GCN1: variants seen among roughly 807,000 people sequenced by gnomAD.
The protein encoded by GCN1 is stalled ribosome sensor GCN1.
In GCN1, 90 loss-of-function variants were observed where a neutral mutation model predicts 288.4. That is an observed-to-expected ratio of 0.31 (90% confidence interval 0.26 to 0.37). GCN1 has a LOEUF of 0.37. Ranked by LOEUF, GCN1 falls within the 10% of genes least tolerant of loss-of-function variation. The pLI, the probability that GCN1 is intolerant of heterozygous loss-of-function variation, is 1.00. For synonymous variants in GCN1, 1,386 were observed against 1,420.2 expected, an observed-to-expected ratio of 0.98 and a Z score of 0.54; for missense variants, 2,586 against 3,419.9, an observed-to-expected ratio of 0.76 and a Z score of 6.08.
intron 39 of GCN1, 82 bp downstream of exon 39, chr12:120,145,180 C>G: frequency 1.3e-6 from 2 of 1,554,550 alleles, no homozygotes; most frequent in Non-Finnish European, 1.8e-6. Flanking sequence ...GACACAAAAG[C>G]AGCTTTGGGG....
At chr12:120,149,821 G>A in intron 35 of GCN1, 101 bp from the exon 36 acceptor site, 1 of 1,538,882 alleles carries the variant, frequency 6.5e-7, no homozygotes. Flanking sequence ...CGCTTACTGG[G>A]GTTCTATTAT....
intron 21 of GCN1, 78 bp downstream of exon 21, chr12:120,161,802 G>A: frequency 2.9e-6 from 4 of 1,368,154 alleles, no homozygotes. Flanking sequence ...ACTCACAGGA[G>A]GCACTGGCTC....
In GCN1 at chr12:120,158,041, G is replaced by C. The variant is rs374389540; in HGVS notation, c.2906-11C>G. The C allele has an allele frequency of 6.2e-7, 1 of 1,612,954 alleles. No individual in the cohort carries two copies. Among genetic ancestry groups the C allele is most frequent in the South Asian group, 1.1e-5 (1 of 91,036 alleles). Reference sequence around the variant, plus strand: ...ACAAGGGCGCAGCACCTGTGAGAGCGAGAAGCAGATAAGATTCTGCAGGCA... The same window carrying C: ...ACAAGGGCGCAGCACCTGTGAGAGCCAGAAGCAGATAAGATTCTGCAGGCA... On this transcript the variant is annotated splice_polypyrimidine_tract_variant and intron_variant, in intron 25 of 57. Transcript: ENST00000300648. This position sits in a 1 kb window ranked among gnomAD's most constrained non-coding sequence, Gnocchi z 4.3.
rs746194321 is a variant in GCN1 at position 120,158,013 on chromosome 12, C to T, written c.2923G>A (p.Ala975Thr). Residue 975 changes from alanine (A) to threonine (T), a missense_variant, in exon 26 of 58, where the codon GCG becomes ACG. Physicochemically the swap from Ala to Thr is moderately conservative, Grantham distance 58. Transcript: ENST00000300648. The surrounding 1 kb of genome is among the most constrained non-coding windows in gnomAD (Gnocchi z 4.3). ...GGGAAGACTAAGGAGAAGGCTGGCG[C>T]GGACAAGGGCGCAGCACCTGTGAGA... is the stretch of plus-strand genomic sequence containing the variant. ...KGEPGAAPLS[A>T]PAFSLVFPFL... is the part of the protein sequence containing the mutation. 5.6e-6 allele frequency: 9 copies of T among 1,613,706 alleles called. No homozygotes were observed. Among genetic ancestry groups the T allele is most frequent in the South Asian group, 3.3e-5 (3 of 91,086 alleles).
At chr12:120,168,981 T>C (rs532034584) in intron 15 of GCN1, among the ~76,000 whole-genome samples, 166 of 152,156 alleles carry the variant, frequency 1.1e-3, no homozygotes, top group Admixed American at 5.0e-3. Context: ...TGTGTCCCAG[T>C]GCAGAGATTG....
Position 120,178,848 on chromosome 12 carries a change from T to G in GCN1, c.525+4A>C, listed in dbSNP as rs553135919. On this transcript the variant is annotated splice_donor_region_variant and intron_variant, in intron 6 of 57. Coordinates refer to ENST00000300648, the MANE Select transcript of GCN1 (RefSeq NM_006836.2). The stretch of plus-strand genomic sequence containing the variant: ...ATGCCCACCAGCCCCTGCAGTCCTG[T>G]CACCTCTTTCCACAGCTTCGTGAGT... 1.9e-6 allele frequency: 3 copies of G among 1,614,110 alleles called. No individual in the cohort carries two copies. The African/African-American group carries it at 4.0e-5, about 22-fold the overall frequency.
At position 120,153,225 on chromosome 12, in the gene GCN1, G is replaced by A. The variant is rs1215714328; in HGVS notation, c.4050C>T (p.Thr1350=). ...AGATGGCAGGTACCTGCTGGGAGGG[G>A]GTGGAGAGGGCAGCGATGAGCTTGG... ...IVAKLIAALS[T]PSQQVQESVA... is the part of the protein sequence containing the mutation. The change falls in exon 33 of 58, where the codon ACC becomes ACT. Residue 1350 remains threonine, a synonymous_variant. Transcript: ENST00000300648. The surrounding 1 kb of genome is among the most constrained non-coding windows in gnomAD (Gnocchi z 4.4). The A allele has an allele frequency of 5.6e-6, 9 of 1,613,888 alleles. No homozygotes were observed. In the African/African-American group the frequency reaches 9.3e-5, roughly 17 times the overall value.
At position 120,127,741 on chromosome 12, in the gene GCN1, T is replaced by G. The variant is rs1376479837; in HGVS notation, c.*108A>C. 14 of 1,247,490 alleles carry G rather than the reference T, an allele frequency of 1.1e-5. No homozygotes were observed. In the African/African-American group the frequency reaches 2.1e-4, roughly 19 times the overall value. The allele number at this position is 1,247,490 out of a possible 1,614,324, so 77.3% of individuals were successfully genotyped here. A position where few individuals can be genotyped will look rare whatever the true frequency, so the allele number is the denominator to read the frequency against. ...TGTGGTCTATTGATATTAAAATACT[T>G]TCTGGGAACGCCATCTTCCAAGCTC... On this transcript the variant is annotated 3_prime_UTR_variant, in exon 58 of 58. Transcript: ENST00000300648.
intron 45 of GCN1, among the ~76,000 whole-genome samples, chr12:120,139,110 G>A (rs745597509): frequency 2.6e-5 from 4 of 152,158 alleles, no homozygotes; most frequent in Non-Finnish European, 4.4e-5. Flanking sequence ...AGGAGTTCGA[G>A]ACCAGCCTGG....
chr12:120,148,733 A>T (rs541547357), intron 36 of GCN1, among the ~76,000 whole-genome samples: 2 of 152,332 alleles, frequency 1.3e-5, no homozygotes. Flanking sequence ...ACTGAGAAGG[A>T]GGTTGAGTGG....
intron 33 of GCN1, among the ~76,000 whole-genome samples, chr12:120,151,867 C>A (rs1272800394): frequency 1.3e-5 from 2 of 152,226 alleles, no homozygotes; most frequent in Non-Finnish European, 2.9e-5. Flanking sequence ...TGCCTCCCAG[C>A]CGCAGCTCAC....
Position 120,131,942 on chromosome 12 carries a change from T to C in GCN1, c.7398A>G (p.Leu2466=), listed in dbSNP as rs2139080643. The C allele has an allele frequency of 2.5e-6, 4 of 1,603,002 alleles. No individual in the cohort carries two copies. The highest frequency in any genetic ancestry group is 3.4e-6 in the Non-Finnish European group (4 of 1,173,534). ...TGTACTTACCCAGCAAGCACTGCTG[T>C]AGAACGGCACTAAGCTCCTCTTCAG... ...FLTEEELSAV[L]QQCLLADVSG... The change falls in exon 54 of 58, where the codon CTA becomes CTG. Residue 2466 remains leucine, a synonymous_variant. Coordinates refer to ENST00000300648, the MANE Select transcript of GCN1 (RefSeq NM_006836.2).
rs867979998 is a variant in GCN1, at chr12:120,170,113, A to G, written c.1519+56T>C. 32 of 1,493,030 alleles carry G rather than the reference A, an allele frequency of 2.1e-5. 1 individual carries two copies. In the Middle Eastern group the frequency reaches 3.6e-3, roughly 170 times the overall value. 92.5% of individuals were successfully genotyped at this position (1,493,030 alleles called of 1,614,324 possible). ...CCTGAACATCAAGACACACCTCCCA[A>G]GGACTCTTGTCAGAGGCCCCTGTCT... On this transcript the variant is annotated intron_variant, in intron 15 of 57. Coordinates refer to ENST00000300648, the MANE Select transcript of GCN1 (RefSeq NM_006836.2).
Position 120,157,980 on chromosome 12 carries a change from T to C in GCN1, c.2956A>G (p.Lys986Glu), listed in dbSNP as rs1190546337. The change falls in exon 26 of 58, where the codon AAG becomes GAG. Residue 986 changes from lysine (K) to glutamate (E), a missense_variant. Coordinates refer to ENST00000300648, the MANE Select transcript of GCN1 (RefSeq NM_006836.2). ...TGGGGCATCTCCGTCAGCACCATCT[T>C]CAGAAACGGGAAGACTAAGGAGAAG... ...PAFSLVFPFL[K>E]MVLTEMPHHS... 1.9e-6 allele frequency: 3 copies of C among 1,613,958 alleles called. No homozygotes were observed. Among genetic ancestry groups the C allele is most frequent in the Non-Finnish European group, 2.5e-6 (3 of 1,180,012 alleles).
chr12:120,167,724 G>A (rs898981094), intron 16 of GCN1, among the ~76,000 whole-genome samples: 2 of 151,060 alleles, frequency 1.3e-5, no homozygotes, highest in African/African-American at 4.9e-5. Flanking sequence ...GGGATGTTGC[G>A]ATTTATGAGT....
intron 5 of GCN1, among the ~76,000 whole-genome samples, chr12:120,179,966 C>T (rs1878598597): frequency 1.3e-5 from 2 of 152,154 alleles, no homozygotes; most frequent in African/African-American, 4.8e-5. Flanking sequence ...ATGGAGCTCA[C>T]ACCGTCCAAC....
At position 120,161,595 on chromosome 12, in the gene GCN1, G is replaced by C. The variant is rs1877928867; in HGVS notation, c.2343-12C>G. 1 of 1,595,336 alleles carries C rather than the reference G, an allele frequency of 6.3e-7. No homozygotes were observed. Among genetic ancestry groups the C allele is most frequent in the Admixed American group, 1.7e-5 (1 of 59,916 alleles). On this transcript the variant is annotated splice_polypyrimidine_tract_variant and intron_variant, in intron 21 of 57. Transcript: ENST00000300648. ...TGTCCTGCTGGGCACTGAAACACCA[G>C]AGTGGGTCATCAGCCAGCTTGAAAA...
chr12:120,140,858 C>T lies in GCN1; in HGVS notation c.5994+1G>A, dbSNP rs777197463. ...TGGCGGGATCCTTGGAAGATACTCA[C>T]GGCATCCCGGCTGGTGGACTTCATG... On this transcript the variant is annotated splice_donor_variant, in intron 45 of 57. Transcript: ENST00000300648. LOFTEE classifies it high-confidence loss of function. 1 of 1,612,322 alleles carries T rather than the reference C, an allele frequency of 6.2e-7. No individual in the cohort carries two copies. The highest frequency in any genetic ancestry group is 8.5e-7 in the Non-Finnish European group (1 of 1,179,082).
At chr12:120,135,033 A>T (rs985449344) in intron 51 of GCN1, among the ~76,000 whole-genome samples, 11 of 152,350 alleles carry the variant, frequency 7.2e-5, no homozygotes, top group Non-Finnish European at 1.6e-4. Context: ...ACCTGTCCAT[A>T]TCGATAAGTG....
Sources: allele counts gnomAD v4.1 joint callset (sites outside exome capture counted in the v4.1 genomes callset), GRCh38; gene constraint gnomAD v4.1.1; non-coding constraint Gnocchi (gnomAD v3.1); transcripts MANE v1.5; gene names NCBI Gene and HGNC (gene_info 2026-07-23, HGNC 2026-07-21).